The following BIN1 variants were observed in gnomAD, a reference collection of about 807,000 sequenced individuals.
The protein encoded by BIN1 is bridging integrator 1, also known as myc box-dependent-interacting protein 1.
Under a neutral mutation model 82.0 loss-of-function variants are expected in BIN1, and 53 were observed. The ratio of observed to expected loss-of-function variants is 0.65; its 90% CI spans 0.52 to 0.81. The LOEUF (loss-of-function observed/expected upper bound fraction) is 0.81, where lower values mean the gene tolerates loss of function less well. Ranked by LOEUF, BIN1 falls within the 40% of genes least tolerant of loss-of-function variation. BIN1 has a pLI of 0.00. For missense variants in BIN1, 642 were observed against 784.4 expected (o/e 0.82, Z 2.17); for synonymous variants, 302 against 328.0 (o/e 0.92, Z 0.86).
In BIN1 at chr2:127,068,325, C is replaced by G. The variant is rs1685413987; in HGVS notation, c.520-70G>C. On this transcript the variant is annotated intron_variant, in intron 6 of 18. Coordinates refer to ENST00000316724, the MANE Select transcript of BIN1 (RefSeq NM_139343.3). The surrounding 1 kb of genome is among the most constrained non-coding windows in gnomAD (Gnocchi z 4.9). ...AGGTGGGGAGAGAGAAACAGAGACA[C>G]ACAGATTAAATGCAGGTCCACACGC... The G allele has an allele frequency of 1.5e-6, 2 of 1,340,214 alleles. No homozygotes were observed. The highest frequency in any genetic ancestry group is 2.1e-6 in the Non-Finnish European group (2 of 956,268). 83.0% of individuals were successfully genotyped at this position (1,340,214 alleles called of 1,614,324 possible).
At chr2:127,080,809 C>G (rs1471081341) in intron 1 of BIN1, among the ~76,000 whole-genome samples, 1 of 152,202 alleles carries the variant, frequency 6.6e-6, no homozygotes, top group Non-Finnish European at 1.5e-5. Flanking sequence ...AGTGTGAACC[C>G]GTGGCCAGCT....
chr2:127,050,973 C>G (rs532830644), intron 16 of BIN1, 61 bp from the exon 17 acceptor site: 8 of 1,564,850 alleles, frequency 5.1e-6, no homozygotes, highest in East Asian at 2.2e-5. Flanking sequence ...CCAGGGCCAC[C>G]GAGGAGAAGA....
At chr2:127,074,779 C>T (rs758886365) in intron 2 of BIN1, among the ~76,000 whole-genome samples, 2 of 152,188 alleles carry the variant, frequency 1.3e-5, no homozygotes, top group African/African-American at 2.4e-5. Context: ...CTCGGCCCAC[C>T]GCAACCTCTG....
At chr2:127,078,562 G>A (rs1035591932) in intron 1 of BIN1, among the ~76,000 whole-genome samples, 4 of 152,238 alleles carry the variant, frequency 2.6e-5, no homozygotes, top group African/African-American at 7.2e-5. Context: ...GGTGGGCACC[G>A]GGAGGCAGCC....
Position 127,093,522 on chromosome 2 carries a change from C to A in BIN1, c.84+13338G>T, listed in dbSNP as rs988327559. Among the ~76,000 whole-genome samples the A allele has an allele frequency of 2.6e-5, 4 of 152,232 alleles. No homozygotes were observed. In the East Asian group the frequency reaches 5.8e-4, roughly 22 times the overall value. ...CAACACAGAGAGGCCGGAAAGAAGC[C>A]GAGCCGACAAGCCTTGCTGGGTTCC... On this transcript the variant is annotated intron_variant, in intron 1 of 18. Coordinates refer to ENST00000316724, the MANE Select transcript of BIN1 (RefSeq NM_139343.3). This position sits in a 1 kb window ranked among gnomAD's most constrained non-coding sequence, Gnocchi z 5.7.
Position 127,059,268 on chromosome 2 carries a change from AAC to A in BIN1, c.858-115_858-114del. 9.3e-7 allele frequency: 1 copy of A among 1,078,622 alleles called. No individual in the cohort carries two copies. The highest frequency in any genetic ancestry group is 1.3e-6 in the Non-Finnish European group (1 of 789,594). The allele number at this position is 1,078,622 out of a possible 1,614,324, so 66.8% of individuals were successfully genotyped here. A position where few individuals can be genotyped will look rare whatever the true frequency, so the allele number is the denominator to read the frequency against. On this transcript the variant is annotated intron_variant, in intron 10 of 18. Coordinates refer to ENST00000316724, the MANE Select transcript of BIN1 (RefSeq NM_139343.3). The surrounding 1 kb of genome is among the most constrained non-coding windows in gnomAD (Gnocchi z 6.7). Reference sequence around the variant, plus strand: ...GAGGTGTGTGCATATGGAGGTGTGAAACTGTGTGTGTGTGTGTGTGTGTGTAT... The same window carrying A: ...GAGGTGTGTGCATATGGAGGTGTGAATGTGTGTGTGTGTGTGTGTGTGTAT...
Position 127,068,603 on chromosome 2 carries a change from C to T in BIN1, c.519+321G>A, listed in dbSNP as rs536076035. On this transcript the variant is annotated intron_variant, in intron 6 of 18. Coordinates refer to ENST00000316724, the MANE Select transcript of BIN1 (RefSeq NM_139343.3). The surrounding 1 kb of genome is among the most constrained non-coding windows in gnomAD (Gnocchi z 4.9). ...CAGCCAGGGACAGGTCGCCTGGGAT[C>T]GCGTGACGAATTCCACCCGGCTCGC... Among the ~76,000 whole-genome samples the T allele has an allele frequency of 7.0e-4, 106 of 152,318 alleles. No homozygotes were observed. Among genetic ancestry groups the T allele is most frequent in the Non-Finnish European group, 1.4e-3 (94 of 68,028 alleles).
chr2:127,069,300 C>A (rs1318592677), intron 5 of BIN1, among the ~76,000 whole-genome samples: 2 of 152,164 alleles, frequency 1.3e-5, no homozygotes, highest in Admixed American at 6.5e-5. Flanking sequence ...TTTTCCTTGG[C>A]CTGGCCCCTG....
At chr2:127,105,189 A>G (rs1371751197) in intron 1 of BIN1, among the ~76,000 whole-genome samples, 1 of 152,174 alleles carries the variant, frequency 6.6e-6, no homozygotes, top group East Asian at 1.9e-4. Flanking sequence ...ACCAGGGCAA[A>G]GGAGACACAC....
Position 127,054,016 on chromosome 2 carries a change from G to GGCAGCA in BIN1, c.1132-10_1132-5dup, listed in dbSNP as rs748026377. ...AGAAAGGCCCCGGGGCCTCAAACTT[G>GGCAGCA]GCAGCAGCAGCAGCAGCAGAGGAGG... On this transcript the variant is annotated splice_region_variant and splice_polypyrimidine_tract_variant and intron_variant, in intron 12 of 18. Transcript: ENST00000316724. 2.8e-5 allele frequency: 43 copies of GGCAGCA among 1,550,438 alleles called. No homozygotes were observed. The highest frequency in any genetic ancestry group is 3.2e-5 in the Non-Finnish European group (37 of 1,146,474).
In BIN1 at chr2:127,058,820, C is replaced by T. The variant is rs530582572; in HGVS notation, c.1002+191G>A. On this transcript the variant is annotated intron_variant, in intron 11 of 18. Transcript: ENST00000316724. ...AGGAGCGAGCAAGTCACAGATGCCT[C>T]CCGGAAGCATGCCAGGCTGGATGGG... Among the ~76,000 whole-genome samples, 7 of 152,206 alleles carry T rather than the reference C, an allele frequency of 4.6e-5. No individual in the cohort carries two copies. The South Asian group carries it at 1.5e-3, about 32-fold the overall frequency.
At chr2:127,086,433 C>A (rs1185110104) in intron 1 of BIN1, among the ~76,000 whole-genome samples, 2 of 151,984 alleles carry the variant, frequency 1.3e-5, no homozygotes, top group South Asian at 2.1e-4. Flanking sequence ...AAGATTTTCA[C>A]GATGAAATAC....
rs1298520584 is a variant in BIN1, at chr2:127,090,117, C to G, written c.85-13411G>C. On this transcript the variant is annotated intron_variant, in intron 1 of 18. Transcript: ENST00000316724. The surrounding 1 kb of genome is among the most constrained non-coding windows in gnomAD (Gnocchi z 6.4). ...ATACCAACCACCCCCCTTCCTCTCT[C>G]CAATCAAGCTCCCCTCTGCAGCCTC... Among the ~76,000 whole-genome samples the G allele has an allele frequency of 6.6e-6, 1 of 152,250 alleles. No individual in the cohort carries two copies. The highest frequency in any genetic ancestry group is 2.1e-4 in the South Asian group (1 of 4,820).
At chr2:127,070,735 G>A (rs977771046) in intron 3 of BIN1, 27 bp downstream of exon 3, 1 of 1,613,976 alleles carries the variant, frequency 6.2e-7, no homozygotes, top group Non-Finnish European at 8.5e-7. Context: ...CTCTACACGG[G>A]CCAGGTGCGC....
In BIN1 at chr2:127,051,220, C is replaced by G. The variant is rs765870974; in HGVS notation, c.1395G>C (p.Ala465=). The stretch of plus-strand genomic sequence containing the variant: ...CTCCAGCCGCAGGTTGGGTCCCACC[C>G]GCCACCTCCGAGGCCTCTGCTGGCT... The part of the protein sequence containing the change: ...PAQPAEASEV[A]GGTQPAAGAQ... The change falls in exon 16 of 19, where the codon GCG becomes GCC. Residue 465 remains alanine (A), a synonymous_variant. Transcript: ENST00000316724. The G allele has an allele frequency of 1.2e-6, 2 of 1,613,678 alleles. No individual in the cohort carries two copies. The highest frequency in any genetic ancestry group is 2.2e-5 in the East Asian group (1 of 44,894).
chr2:127,070,282 G>A (rs1004879388), intron 4 of BIN1, among the ~76,000 whole-genome samples, 192 bp from the exon 5 acceptor site: 6 of 152,328 alleles, frequency 3.9e-5, no homozygotes, highest in Middle Eastern at 3.4e-3. Context: ...GATCAGATAC[G>A]CTGAGGACTG....
chr2:127,089,978 G>A (rs958335834), intron 1 of BIN1, among the ~76,000 whole-genome samples: 2 of 96,788 alleles, frequency 2.1e-5, no homozygotes, highest in East Asian at 3.2e-4. Flanking sequence ...AGTCCCCAAC[G>A]CCCTACTCCC....
chr2:127,064,105 C>T (rs1322917708), intron 7 of BIN1, 87 bp from the exon 8 acceptor site: 2 of 1,504,028 alleles, frequency 1.3e-6, no homozygotes, highest in Non-Finnish European at 1.8e-6. Context: ...CTGCCCACCC[C>T]TCTTGGCCAG....
At chr2:127,054,469 C>T in intron 12 of BIN1, 1 of 189,116 alleles carries the variant, frequency 5.3e-6, no homozygotes, top group Admixed American at 5.6e-5. Context: ...TAACACCATG[C>T]CACAGCCACC....
Sources: gnomAD v4.1 joint callset for allele counts (sites outside exome capture counted in the v4.1 genomes callset) on GRCh38, gnomAD v4.1.1 for gene constraint, Gnocchi (gnomAD v3.1) non-coding constraint, MANE v1.5 for transcripts, NCBI Gene and HGNC (gene_info 2026-07-23, HGNC 2026-07-21) for gene names.